Variants in ANK2 observed in about 807,000 individuals in gnomAD.
ANK2 encodes the protein ankyrin-2.
ANK2 carries 83 observed loss-of-function variants against 360.5 expected under a neutral mutation model. That is an observed-to-expected ratio of 0.23 (90% confidence interval 0.19 to 0.28). ANK2 has a LOEUF of 0.28. Among genes scored for constraint, ANK2 ranks in the 10% least tolerant of loss-of-function variants. ANK2 has a pLI of 1.00. For missense variants in ANK2, 4,201 were observed against 4,795.7 expected (o/e 0.88, Z 3.66); for synonymous variants, 1,740 against 1,759.5 (o/e 0.99, Z 0.28).
At chr4:113,097,832 GTATA>G (rs369497711) in intron 1 of ANK2, among the ~76,000 whole-genome samples, 3 of 107,600 alleles carry the variant, frequency 2.8e-5, no homozygotes, top group South Asian at 2.6e-4. Context: ...TTTTCCTCTT[GTATA>G]TATATGTGTG....
At chr4:113,130,149 G>A (rs2095921410) in intron 1 of ANK2, among the ~76,000 whole-genome samples, 1 of 152,064 alleles carries the variant, frequency 6.6e-6, no homozygotes, top group African/African-American at 2.4e-5. Context: ...AACTAACTTT[G>A]TCTTTTATTT....
chr4:113,035,883 C>T (rs554932684), intron 2 of ANK2, among the ~76,000 whole-genome samples: 9 of 152,014 alleles, frequency 5.9e-5, no homozygotes, highest in Non-Finnish European at 1.0e-4. Context: ...AGTTAATAGA[C>T]GTTCAAACAT....
At chr4:113,262,703 T>C (rs2153650643) in intron 13 of ANK2, among the ~76,000 whole-genome samples, 1 of 150,534 alleles carries the variant, frequency 6.6e-6, no homozygotes, top group East Asian at 1.9e-4. Context: ...AACAACTATA[T>C]AGCATTTACA....
At chr4:112,877,018 C>G (rs2075317037) in intron 1 of ANK2, among the ~76,000 whole-genome samples, 1 of 152,152 alleles carries the variant, frequency 6.6e-6, no homozygotes, top group South Asian at 2.1e-4. Context: ...ATGACTTTCT[C>G]CCCCTTAATT....
intron 1 of ANK2, among the ~76,000 whole-genome samples, chr4:113,167,145 T>C (rs1427862317): frequency 1.3e-5 from 2 of 152,156 alleles, no homozygotes; most frequent in African/African-American, 4.8e-5. Context: ...AAGATAATGC[T>C]TTTGAATACT....
In ANK2 at chr4:113,339,234, A is replaced by T. The variant is rs773911742; in HGVS notation, c.3805A>T (p.Thr1269Ser). The change falls in exon 32 of 46, where the codon ACC becomes TCC. Residue 1269 changes from threonine to serine, a missense_variant. Transcript: ENST00000357077. Reference sequence around the variant, plus strand: ...CAATCATATTATTTCAGGTGGAACCACCCCTGCCCAGTGGGAAGATATTAC... The same window carrying T: ...CAATCATATTATTTCAGGTGGAACCTCCCCTGCCCAGTGGGAAGATATTAC... ...RLLCSITGGT[T>S]PAQWEDITGT... 1.9e-6 allele frequency: 3 copies of T among 1,613,224 alleles called. No homozygotes were observed. In the South Asian group the frequency reaches 3.3e-5, roughly 18 times the overall value.
chr4:113,355,545 A>G lies in ANK2; in HGVS notation c.6927A>G (p.Lys2309=), dbSNP rs759422840. 6.2e-7 allele frequency: 1 copy of G among 1,613,994 alleles called. No individual in the cohort carries two copies. Among genetic ancestry groups the G allele is most frequent in the Non-Finnish European group, 8.5e-7 (1 of 1,179,984 alleles). The part of the protein sequence containing the change: ...DSETSTESFQ[K]EATLGSPKDT... The stretch of plus-strand genomic sequence containing the variant: ...AGACCTCTACTGAGAGTTTTCAGAA[A>G]GAGGCCACTCTAGGCTCTCCCAAAG... The change falls in exon 38 of 46, where the codon AAA becomes AAG. Residue 2309 remains lysine (K), a synonymous_variant. Coordinates refer to ENST00000357077, the MANE Select transcript of ANK2 (RefSeq NM_001148.6).
intron 34 of ANK2, among the ~76,000 whole-genome samples, chr4:113,345,548 T>G (rs2094745700): frequency 6.6e-6 from 1 of 152,202 alleles, no homozygotes; most frequent in Non-Finnish European, 1.5e-5. Flanking sequence ...ACTTGAAATT[T>G]GCTAAGAGAT....
At chr4:113,048,030 A>G (rs902085916), upstream of ANK2, among the ~76,000 whole-genome samples, 14 of 151,858 alleles carry the variant, frequency 9.2e-5, no homozygotes, top group African/African-American at 3.4e-4. Flanking sequence ...TAATAATAAT[A>G]AGATTAGCAA....
chr4:113,371,570 T>C (rs1469496654), intron 43 of ANK2, among the ~76,000 whole-genome samples: 2 of 152,218 alleles, frequency 1.3e-5, no homozygotes, highest in Non-Finnish European at 2.9e-5. Context: ...TCACATAATT[T>C]ATACAGGCCT....
the ANK2 span, among the ~76,000 whole-genome samples, chr4:112,712,439 G>A: frequency 3.6e-5 from 4 of 111,584 alleles, no homozygotes; most frequent in Non-Finnish European, 1.7e-5. Context: ...ATGGAGTTTC[G>A]CTCTGTCGCC....
chr4:112,804,037 G>C, the ANK2 span, among the ~76,000 whole-genome samples: 1 of 125,516 alleles, frequency 8.0e-6, no homozygotes, highest in African/African-American at 3.0e-5. Flanking sequence ...TTCTTTTTTT[G>C]AGATGGAGTC....
chr4:113,214,695 T>A (rs1585049418), intron 4 of ANK2, among the ~76,000 whole-genome samples: 1 of 152,184 alleles, frequency 6.6e-6, no homozygotes, highest in Admixed American at 6.5e-5. Flanking sequence ...GGTTAGGACT[T>A]TAAATATCCT....
At chr4:113,221,543 C>T (rs2099151865) in intron 4 of ANK2, among the ~76,000 whole-genome samples, 1 of 151,878 alleles carries the variant, frequency 6.6e-6, no homozygotes, top group African/African-American at 2.4e-5. Flanking sequence ...CCTGTAATCC[C>T]AGCTACTCAA....
chr4:113,260,639 A>G (rs2052315534), intron 13 of ANK2, among the ~76,000 whole-genome samples: 1 of 152,216 alleles, frequency 6.6e-6, no homozygotes, highest in African/African-American at 2.4e-5. Flanking sequence ...GACCCATGCA[A>G]TAGTTAAGAC....
Position 113,330,478 on chromosome 4 carries a change from T to C in ANK2, c.3125+8T>C. ...TGGTGCTCAGTTCCTTGGGTAAGGG[T>C]TTCTGATAAACCTCCCACTTAGTCA... On this transcript the variant is annotated splice_region_variant and intron_variant, in intron 27 of 45. Transcript: ENST00000357077. 1.2e-6 allele frequency: 2 copies of C among 1,613,740 alleles called. No homozygotes were observed. Among genetic ancestry groups the C allele is most frequent in the Non-Finnish European group, 1.7e-6 (2 of 1,179,772 alleles).
chr4:113,202,053 T>C (rs1251592589), intron 4 of ANK2, among the ~76,000 whole-genome samples: 2 of 152,214 alleles, frequency 1.3e-5, no homozygotes, highest in African/African-American at 4.8e-5. Flanking sequence ...TAGAATCTTT[T>C]CTAAATGTTT....
intron 1 of ANK2, among the ~76,000 whole-genome samples, chr4:113,164,633 G>C (rs746660062): frequency 6.6e-6 from 1 of 152,152 alleles, no homozygotes. Flanking sequence ...TACCTCAAGG[G>C]GGCAAGAGTA....
chr4:112,705,705 C>T, the ANK2 span, among the ~76,000 whole-genome samples: 2 of 152,244 alleles, frequency 1.3e-5, no homozygotes, highest in Non-Finnish European at 2.9e-5. Context: ...TGCATATAGA[C>T]ATATTTCTGG....
Sources: gnomAD v4.1 joint callset for allele counts (sites outside exome capture counted in the v4.1 genomes callset) on GRCh38, gnomAD v4.1.1 for gene constraint, MANE v1.5 for transcripts, NCBI Gene and HGNC (gene_info 2026-07-23, HGNC 2026-07-21) for gene names.